Variants in FSTL4 observed in about 807,000 individuals in gnomAD.
The protein encoded by FSTL4 is follistatin-related protein 4.
FSTL4 carries 28 observed loss-of-function variants against 78.2 expected under a neutral mutation model. The ratio of observed to expected loss-of-function variants is 0.36; its 90% confidence interval spans 0.27 to 0.49. FSTL4 has a LOEUF of 0.49. Among genes scored for constraint, FSTL4 ranks in the 20% least tolerant of loss-of-function variants. FSTL4 has a pLI of 0.98. For missense variants in FSTL4, 922 were observed against 1,084.9 expected (o/e 0.85, Z 2.11); for synonymous variants, 422 against 440.5 (o/e 0.96, Z 0.53).
chr5:133,221,891 G>GTTTTTTTTTTTTTGTTTTTTTTTTT lies in FSTL4; in HGVS notation c.1340-1026_1340-1025insAAAAAAAAAAACAAAAAAAAAAAAA, dbSNP rs1751119949. Among the ~76,000 whole-genome samples the GTTTTTTTTTTTTTGTTTTTTTTTTT allele has an allele frequency of 1.4e-4, 6 of 43,360 alleles. 1 individual carries two copies. The highest frequency in any genetic ancestry group is 3.0e-4 in the Admixed American group (1 of 3,312). The allele number at this position is 43,360 out of a possible 152,430, so 28.4% of individuals were successfully genotyped here. On this transcript the variant is annotated intron_variant, in intron 11 of 15. Transcript: ENST00000265342. ...AATATGTAGAAAAATCTCTTTTCTA[G>GTTTTTTTTTTTTTGTTTTTTTTTTT]TTTTTTTTTTTTTTTTTTTTTTTTT...
chr5:133,378,010 C>G lies in FSTL4; in HGVS notation c.409+22728G>C, dbSNP rs1755479503. 2.0e-5 allele frequency among the ~76,000 whole-genome samples: 3 copies of G among 151,878 alleles called. No individual in the cohort carries two copies. In the South Asian group the frequency reaches 6.2e-4, roughly 32 times the overall value. ...ATGACATATTCAATGTGCTAAAAAA[C>G]AAAACTGTAAACAAAGAATCGTATA... On this transcript the variant is annotated intron_variant, in intron 4 of 15. Transcript: ENST00000265342.
chr5:133,379,420 A>T (rs1755514571), intron 4 of FSTL4, among the ~76,000 whole-genome samples: 1 of 152,126 alleles, frequency 6.6e-6, no homozygotes. Context: ...TCCCGCTGGA[A>T]CACCCTATTT....
At chr5:133,278,363 T>G (rs1388330499) in intron 6 of FSTL4, among the ~76,000 whole-genome samples, 5 of 152,214 alleles carry the variant, frequency 3.3e-5, no homozygotes, top group Non-Finnish European at 7.3e-5. Context: ...GCTGCAGTCT[T>G]GGCTTGTGTT....
chr5:133,830,267 C>A, the FSTL4 span, among the ~76,000 whole-genome samples: 4 of 152,212 alleles, frequency 2.6e-5, no homozygotes, highest in African/African-American at 9.7e-5. Flanking sequence ...TAACCCCTGG[C>A]TGAGCAGGCT....
chr5:133,222,370 G>C (rs796222362), intron 11 of FSTL4, among the ~76,000 whole-genome samples: 7 of 152,230 alleles, frequency 4.6e-5, no homozygotes, highest in African/African-American at 1.7e-4. Flanking sequence ...AGTGTTTGGA[G>C]CCAGCACTCC....
At chr5:133,221,911 T>TTTTTTG (rs1751136574) in intron 11 of FSTL4, among the ~76,000 whole-genome samples, 1 of 115,844 alleles carries the variant, frequency 8.6e-6, no homozygotes, top group African/African-American at 4.3e-5. Flanking sequence ...TTTTTTTTTT[T>TTTTTTG]TTTTTTTTTT....
At chr5:133,707,563 C>T in the FSTL4 span, among the ~76,000 whole-genome samples, 147 of 152,296 alleles carry the variant, frequency 9.7e-4, 2 homozygotes, top group Admixed American at 7.2e-4. Context: ...AGCCTGGAGC[C>T]CAGAGCTCTG....
At chr5:133,831,948 G>T in the FSTL4 span, among the ~76,000 whole-genome samples, 1 of 152,212 alleles carries the variant, frequency 6.6e-6, no homozygotes. Context: ...TCATTTTGGT[G>T]ATAACTACAC....
chr5:133,695,723 G>T, the FSTL4 span, among the ~76,000 whole-genome samples: 1 of 152,152 alleles, frequency 6.6e-6, no homozygotes, highest in African/African-American at 2.4e-5. Context: ...CCTCTCCTCA[G>T]GGGGCCCCAG....
the FSTL4 span, among the ~76,000 whole-genome samples, chr5:133,692,301 AG>A: frequency 6.6e-6 from 1 of 152,190 alleles, no homozygotes; most frequent in African/African-American, 2.4e-5. Context: ...GACGAAACAG[AG>A]GCCACAAGGA....
intron 3 of FSTL4, among the ~76,000 whole-genome samples, chr5:133,556,444 G>A (rs1193307971): frequency 6.6e-6 from 1 of 152,166 alleles, no homozygotes; most frequent in East Asian, 1.9e-4. Flanking sequence ...AGTGGCTCCT[G>A]GCGGGGTGCG....
At chr5:133,514,033 G>T (rs1380775570) in intron 3 of FSTL4, among the ~76,000 whole-genome samples, 3 of 151,874 alleles carry the variant, frequency 2.0e-5, no homozygotes, top group African/African-American at 7.3e-5. Flanking sequence ...AAAAAAATTA[G>T]CCAGGCGTAG....
chr5:133,477,197 A>C (rs1757941329), intron 3 of FSTL4, among the ~76,000 whole-genome samples: 1 of 152,164 alleles, frequency 6.6e-6, no homozygotes, highest in Non-Finnish European at 1.5e-5. Flanking sequence ...ATCTAGAAAG[A>C]AAAAAGAAAA....
the FSTL4 span, among the ~76,000 whole-genome samples, chr5:133,743,021 T>C: frequency 6.6e-6 from 1 of 152,188 alleles, no homozygotes; most frequent in Non-Finnish European, 1.5e-5. Flanking sequence ...ATTTCTTTCA[T>C]TTAGGGGAAA....
intron 11 of FSTL4, 46 bp from the exon 12 acceptor site, chr5:133,220,912 C>T (rs772036412): frequency 1.8e-6 from 2 of 1,136,222 alleles, no homozygotes; most frequent in Non-Finnish European, 2.7e-6. Flanking sequence ...GCAGTCGGCC[C>T]CTGGGCAGGG....
chr5:133,317,127 G>A (rs1364200750), intron 4 of FSTL4, among the ~76,000 whole-genome samples: 1 of 151,918 alleles, frequency 6.6e-6, no homozygotes, highest in Non-Finnish European at 1.5e-5. Context: ...AATAAGCCCT[G>A]CTTATGTTAA....
chr5:133,404,547 T>C (rs975241214), intron 3 of FSTL4, among the ~76,000 whole-genome samples: 1 of 152,180 alleles, frequency 6.6e-6, no homozygotes, highest in Non-Finnish European at 1.5e-5. Flanking sequence ...TACATTAACA[T>C]TATGGCGGCA....
chr5:133,548,895 T>C (rs1580782186), intron 3 of FSTL4, among the ~76,000 whole-genome samples: 1 of 152,324 alleles, frequency 6.6e-6, no homozygotes, highest in East Asian at 1.9e-4. Flanking sequence ...TTAATAGGTC[T>C]AAAATTCTAG....
chr5:133,595,870 C>A (rs961811264), intron 2 of FSTL4, among the ~76,000 whole-genome samples: 2 of 152,188 alleles, frequency 1.3e-5, no homozygotes, highest in African/African-American at 4.8e-5. Flanking sequence ...GGCTAGGGAA[C>A]AAACAGATTT....
Sources: gnomAD v4.1 joint callset for allele counts (sites outside exome capture counted in the v4.1 genomes callset) on GRCh38, gnomAD v4.1.1 for gene constraint, MANE v1.5 for transcripts, NCBI Gene and HGNC (gene_info 2026-07-23, HGNC 2026-07-21) for gene names.